Variants in HYAL4 observed in about 807,000 individuals in gnomAD.
The protein encoded by HYAL4 is hyaluronidase 4.
HYAL4 carries 37 observed loss-of-function variants against 35.2 expected under a neutral mutation model. That is an observed-to-expected ratio of 1.05 (90% CI 0.81 to 1.38). HYAL4 has a LOEUF of 1.38. HYAL4 is among the 40% of genes most tolerant of loss of function. The probability of loss-of-function intolerance (pLI) is 0.00; values close to 1 mark genes in which losing one functional copy is unlikely to be tolerated. For synonymous variants in HYAL4, 198 were observed against 203.2 expected (o/e 0.97, Z 0.22); for missense variants, 572 against 572.4 (o/e 1.00, Z 0.01).
intron 1 of HYAL4, among the ~76,000 whole-genome samples, chr7:123,839,034 C>T (rs1457877767): frequency 2.6e-5 from 4 of 151,830 alleles, no homozygotes; most frequent in South Asian, 2.1e-4. Flanking sequence ...CTGTGCACAA[C>T]GTGCAGGTTT....
chr7:123,805,917 C>T, the HYAL4 span, among the ~76,000 whole-genome samples: 1 of 151,962 alleles, frequency 6.6e-6, no homozygotes, highest in African/African-American at 2.4e-5. Context: ...TCACTTGAAC[C>T]CGGGAGGTAG....
At chr7:123,768,602 A>T in the HYAL4 span, among the ~76,000 whole-genome samples, 1 of 152,192 alleles carries the variant, frequency 6.6e-6, no homozygotes, top group African/African-American at 2.4e-5. Context: ...GTACATCTGC[A>T]CCAACCTTAT....
chr7:123,815,548 T>C, the HYAL4 span, among the ~76,000 whole-genome samples: 3 of 152,204 alleles, frequency 2.0e-5, no homozygotes, highest in Non-Finnish European at 4.4e-5. Context: ...CTAGTGGTTA[T>C]TGTCAAGGCA....
chr7:123,834,379 C>G (rs1011658877), intron 1 of HYAL4, among the ~76,000 whole-genome samples: 3 of 152,060 alleles, frequency 2.0e-5, no homozygotes, highest in Admixed American at 6.6e-5. Context: ...TGATTGGATT[C>G]TCAGCTTGGT....
chr7:123,765,834 T>C, the HYAL4 span, among the ~76,000 whole-genome samples: 1 of 152,144 alleles, frequency 6.6e-6, no homozygotes, highest in Non-Finnish European at 1.5e-5. Flanking sequence ...CTCTTCCTGC[T>C]TCCTTAGTAA....
the HYAL4 span, among the ~76,000 whole-genome samples, chr7:123,775,549 C>T: frequency 2.0e-5 from 3 of 152,158 alleles, no homozygotes; most frequent in African/African-American, 7.2e-5. Context: ...TCAACCACAT[C>T]TGGAATAAGA....
chr7:123,860,708 TA>T (rs1806559598), intron 2 of HYAL4, among the ~76,000 whole-genome samples: 1 of 152,200 alleles, frequency 6.6e-6, no homozygotes. Flanking sequence ...TTCCTAATTA[TA>T]AGAAGTGCTA....
chr7:123,775,701 ATCTTTAGATGTCATCTTTAGATG>A, the HYAL4 span, among the ~76,000 whole-genome samples: 10 of 152,066 alleles, frequency 6.6e-5, no homozygotes, highest in Non-Finnish European at 1.2e-4. Flanking sequence ...TTTTTCCTCC[ATCTTTAGATGTCATCTTTAGATG>A]TCTTTAGATG....
At chr7:123,806,106 C>T in the HYAL4 span, among the ~76,000 whole-genome samples, 2 of 152,134 alleles carry the variant, frequency 1.3e-5, no homozygotes, top group South Asian at 4.1e-4. Context: ...GTTATACCAT[C>T]TGATTTCAAG....
intron 2 of HYAL4, among the ~76,000 whole-genome samples, chr7:123,849,265 GTC>G (rs10565638): frequency 0.13 from 19,339 of 146,754 alleles, 1,280 homozygotes; most frequent in Non-Finnish European, 0.14. Flanking sequence ...CTAATGTACA[GTC>G]TCTCTCTCTC....
rs1806754915 is a variant in HYAL4 at position 123,868,402 on chromosome 7, T to G, written c.129T>G (p.Tyr43Ter). Reference protein sequence around the residue: ...SCLKPARLPIYQRKPFIAAWN... With the variant: ...SCLKPARLPI ...TAAAACCTGCTCGACTTCCAATTTA[T>G]CAAAGGAAACCTTTTATAGCTGCTT... is the stretch of plus-strand genomic sequence containing the variant. Residue 43 changes from tyrosine to a stop codon, truncating the protein, a stop_gained, in exon 3 of 5, where the codon TAT becomes TAG. Transcript: ENST00000223026. LOFTEE classifies it high-confidence loss of function. The G allele has an allele frequency of 1.2e-6, 2 of 1,613,158 alleles. No homozygotes were observed. The highest frequency in any genetic ancestry group is 1.7e-6 in the Non-Finnish European group (2 of 1,179,612).
chr7:123,787,295 A>G, the HYAL4 span, among the ~76,000 whole-genome samples: 1 of 151,894 alleles, frequency 6.6e-6, no homozygotes, highest in Non-Finnish European at 1.5e-5. Context: ...GAAAGAAAAG[A>G]TTCTTTTACA....
At chr7:123,870,683 T>C (rs4731123) in intron 3 of HYAL4, among the ~76,000 whole-genome samples, 23,634 of 150,610 alleles carry the variant, frequency 0.16, 1,982 homozygotes, top group Non-Finnish European at 0.18. Context: ...TTGCTTGAAC[T>C]CGGGAGGCAG....
the HYAL4 span, among the ~76,000 whole-genome samples, chr7:123,800,497 TAAA>T: frequency 6.7e-6 from 1 of 148,328 alleles, no homozygotes; most frequent in Non-Finnish European, 1.5e-5. Context: ...AAAAAAAAAT[TAAA>T]AAAAAAGAAG....
At chr7:123,814,965 CTA>C in the HYAL4 span, 51 of 151,906 alleles carry the variant, frequency 3.4e-4, no homozygotes, top group African/African-American at 1.2e-3. Context: ...CTAGACATGA[CTA>C]TGTTTTGCCA....
chr7:123,860,888 T>C (rs1467598940), intron 2 of HYAL4, among the ~76,000 whole-genome samples: 1 of 152,170 alleles, frequency 6.6e-6, no homozygotes, highest in East Asian at 1.9e-4. Context: ...CCTGCTAAAA[T>C]ATATATGCTT....
At chr7:123,872,713 A>G (rs1200537428) in intron 3 of HYAL4, among the ~76,000 whole-genome samples, 1 of 152,152 alleles carries the variant, frequency 6.6e-6, no homozygotes, top group Non-Finnish European at 1.5e-5. Flanking sequence ...TCCCAGAGGC[A>G]CTTTATCTGT....
intron 2 of HYAL4, among the ~76,000 whole-genome samples, chr7:123,857,688 T>C (rs1806482088): frequency 2.0e-5 from 3 of 146,788 alleles, no homozygotes; most frequent in African/African-American, 7.6e-5. Context: ...TTTCTTTCTT[T>C]CTTTCTTTCT....
Position 123,877,111 on chromosome 7 carries a change from CT to C in HYAL4, c.1405del (p.Cys469ValfsTer5). 1 of 1,614,126 alleles carries C rather than the reference CT, an allele frequency of 6.2e-7. No homozygotes were observed. The highest frequency in any genetic ancestry group is 8.5e-7 in the Non-Finnish European group (1 of 1,180,006). On this transcript the variant is annotated frameshift_variant, in exon 5 of 5. Coordinates refer to ENST00000223026, the MANE Select transcript of HYAL4 (RefSeq NM_012269.3). LOFTEE classifies it low-confidence loss of function (END_TRUNC). ...CCCTTCTCCTGGTTCACTAATGACA[CT>C]TTGTCTACTGCTTTTAGCAAGTTAT... ...VSPSPGSLMT[L>X]CLLLLASYRS...
Sources: allele counts gnomAD v4.1 joint callset (sites outside exome capture counted in the v4.1 genomes callset), GRCh38; gene constraint gnomAD v4.1.1; transcripts MANE v1.5; gene names NCBI Gene and HGNC (gene_info 2026-07-23, HGNC 2026-07-21).